DNAH9: variants seen among roughly 807,000 people sequenced by gnomAD.
DNAH9 encodes the protein dynein axonemal heavy chain 9, also known as DNAH9 variant protein.
In DNAH9, 345 loss-of-function variants were observed where a neutral mutation model predicts 471.6. That is an observed-to-expected ratio of 0.73 (90% CI 0.67 to 0.80). The LOEUF (loss-of-function observed/expected upper bound fraction) is 0.80. Ranked by LOEUF, DNAH9 falls within the 30% of genes least tolerant of loss-of-function variation. DNAH9 has a pLI of 0.00. For missense variants in DNAH9, 5,407 were observed against 5,609.2 expected (o/e 0.96, Z 1.15); for synonymous variants, 2,093 against 2,123.6 (o/e 0.99, Z 0.40).
intron 6 of DNAH9, among the ~76,000 whole-genome samples, chr17:11,620,588 T>C (rs777664591): frequency 6.6e-6 from 1 of 151,896 alleles, no homozygotes; most frequent in Non-Finnish European, 1.5e-5. Flanking sequence ...ATAGTGGTTA[T>C]AGTAGAAGTT....
chr17:11,708,010 CACACAGAGAG>C (rs1286713377), intron 26 of DNAH9, among the ~76,000 whole-genome samples: 26 of 48,268 alleles, frequency 5.4e-4, no homozygotes, highest in African/African-American at 1.4e-3. Flanking sequence ...CACACACACA[CACACAGAGAG>C]AGAGAGAGAG....
Position 11,744,996 on chromosome 17 carries a change from C to T in DNAH9, c.6311C>T (p.Pro2104Leu), listed in dbSNP as rs2075498399. 6.2e-7 allele frequency: 1 copy of T among 1,614,020 alleles called. No individual in the cohort carries two copies. The highest frequency in any genetic ancestry group is 1.3e-5 in the African/African-American group (1 of 74,916). The change falls in exon 31 of 69, where the codon CCC becomes CTC. Residue 2104 changes from proline to leucine, a missense_variant. This residue lies in a region of DNAH9 where 4,636 missense variants were observed against 4,900.3 expected (regional missense o/e 0.95). Transcript: ENST00000262442. ...GACCTCTTTCCCGCCCTGGATGTCC[C>T]CCGGAGGAGAGACCCCAACTTCGAA... ...IGDLFPALDV[P>L]RRRDPNFEAL...
chr17:11,955,431 T>A (rs994215357), intron 67 of DNAH9, among the ~76,000 whole-genome samples: 1 of 152,174 alleles, frequency 6.6e-6, no homozygotes, highest in Non-Finnish European at 1.5e-5. Context: ...GGTAACTACA[T>A]TAAATATAAA....
chr17:11,694,714 C>T (rs12951499), intron 22 of DNAH9, among the ~76,000 whole-genome samples: 1 of 5,078 alleles, frequency 2.0e-4, no homozygotes, highest in African/African-American at 2.5e-4. Context: ...CTCTCTCTCT[C>T]TCTCTCTCTC....
At chr17:11,670,980 G>A (rs1391538225) in intron 17 of DNAH9, among the ~76,000 whole-genome samples, 2 of 152,200 alleles carry the variant, frequency 1.3e-5, no homozygotes, top group African/African-American at 4.8e-5. Flanking sequence ...TGGGATTACA[G>A]GTGTGAGCCA....
chr17:11,698,248 ATAT>A (rs1160402923), intron 22 of DNAH9, among the ~76,000 whole-genome samples: 1 of 44,214 alleles, frequency 2.3e-5, no homozygotes, highest in African/African-American at 6.4e-5. Flanking sequence ...ATTATATAAT[ATAT>A]TAATATATAA....
rs113259200 is a variant in DNAH9 at position 11,708,853 on chromosome 17, T to C, written c.5552+3668T>C. 3.9e-5 allele frequency among the ~76,000 whole-genome samples: 6 copies of C among 152,280 alleles called. 1 individual carries two copies. The highest frequency in any genetic ancestry group is 1.2e-4 in the African/African-American group (5 of 41,558). On this transcript the variant is annotated intron_variant, in intron 26 of 68. Transcript: ENST00000262442. ...CTAGACTGTATGTTCCGAGATAACATTGACCTTCATTTCTTCTCTACTCCC... is the reference window on the plus strand; with the variant it reads ...CTAGACTGTATGTTCCGAGATAACACTGACCTTCATTTCTTCTCTACTCCC...
At chr17:11,724,938 C>A (rs565214912) in intron 27 of DNAH9, among the ~76,000 whole-genome samples, 2 of 152,272 alleles carry the variant, frequency 1.3e-5, no homozygotes, top group Admixed American at 1.3e-4. Context: ...TTGGTTCCAA[C>A]TGGGGGTGAT....
At chr17:11,831,968 C>A (rs898263623) in intron 48 of DNAH9, among the ~76,000 whole-genome samples, 2 of 152,184 alleles carry the variant, frequency 1.3e-5, no homozygotes, top group African/African-American at 4.8e-5. Flanking sequence ...AGGGGACCAG[C>A]AGGGCTGAGG....
intron 61 of DNAH9, among the ~76,000 whole-genome samples, chr17:11,914,713 TTC>T (rs1437101265): frequency 1.3e-5 from 2 of 152,182 alleles, no homozygotes; most frequent in African/African-American, 4.8e-5. Context: ...TGAAATTATA[TTC>T]TTTCTTTGTT....
rs2072305534 is a variant in DNAH9, at chr17:11,598,507, C to T, written c.9C>T (p.Leu3=). 1 of 1,353,838 alleles carries T rather than the reference C, an allele frequency of 7.4e-7. No individual in the cohort carries two copies. Among genetic ancestry groups the T allele is most frequent in the Non-Finnish European group, 9.5e-7 (1 of 1,057,354 alleles). 83.9% of individuals were successfully genotyped at this position (1,353,838 alleles called of 1,614,324 possible). A position where few individuals can be genotyped will look rare whatever the true frequency, so the allele number is the denominator to read the frequency against. MR[L]AEERAALAAE... ...GCTGGAGGCCGCGCGCGATGCGGCT[C>T]GCGGAGGAGCGGGCCGCGCTCGCGG... The change falls in exon 1 of 69, where the codon CTC becomes CTT. Residue 3 remains leucine, a synonymous_variant. Coordinates refer to ENST00000262442, the MANE Select transcript of DNAH9 (RefSeq NM_001372.4).
At chr17:11,810,517 T>A in intron 45 of DNAH9, 148 bp downstream of exon 45, 1 of 1,000,712 alleles carries the variant, frequency 1.0e-6, no homozygotes, top group Non-Finnish European at 1.4e-6. Context: ...TTCATTGAGG[T>A]CCTTCTCAGC....
intron 56 of DNAH9, chr17:11,884,578 G>A (rs1246984304): frequency 2.2e-6 from 1 of 456,232 alleles, no homozygotes; most frequent in South Asian, 1.5e-5. Flanking sequence ...GTTCTAGGTA[G>A]AGACAAGGTA....
chr17:11,751,993 A>G (rs568369004), intron 32 of DNAH9, among the ~76,000 whole-genome samples: 2 of 152,328 alleles, frequency 1.3e-5, no homozygotes, highest in African/African-American at 4.8e-5. Flanking sequence ...AATTCTTTTC[A>G]CAGTAGCAAT....
intron 15 of DNAH9, 79 bp downstream of exon 15, chr17:11,665,047 G>A: frequency 7.7e-7 from 1 of 1,295,708 alleles, no homozygotes; most frequent in Non-Finnish European, 1.1e-6. Context: ...TTGAAGAGCA[G>A]CTGAGTGCTC....
intron 67 of DNAH9, among the ~76,000 whole-genome samples, chr17:11,948,796 C>T (rs1975245840): frequency 1.3e-5 from 2 of 152,166 alleles, no homozygotes; most frequent in Admixed American, 1.3e-4. Flanking sequence ...CAAATGAAAG[C>T]TCCTCGCCAA....
chr17:11,883,045 A>G, intron 55 of DNAH9: 2 of 986,796 alleles, frequency 2.0e-6, no homozygotes, highest in Non-Finnish European at 2.4e-6. Flanking sequence ...TGGAGCATAA[A>G]GAGAGGAAGA....
At position 11,834,227 on chromosome 17, in the gene DNAH9, G is replaced by C. The variant is rs867525221; in HGVS notation, c.9247-411G>C. Reference sequence around the variant, plus strand: ...GCCTGTAGTTCCAGCTACCTGAGAGGCTGAGACAGGAGAATCTCTTGAACC... The same window carrying C: ...GCCTGTAGTTCCAGCTACCTGAGAGCCTGAGACAGGAGAATCTCTTGAACC... On this transcript the variant is annotated intron_variant, in intron 48 of 68. Coordinates refer to ENST00000262442, the MANE Select transcript of DNAH9 (RefSeq NM_001372.4). Among the ~76,000 whole-genome samples, 3 of 150,086 alleles carry C rather than the reference G, an allele frequency of 2.0e-5. No homozygotes were observed. The East Asian group carries it at 6.0e-4, about 30-fold the overall frequency.
At chr17:11,804,249 T>C (rs1163236515) in intron 43 of DNAH9, among the ~76,000 whole-genome samples, 3 of 152,166 alleles carry the variant, frequency 2.0e-5, no homozygotes, top group Non-Finnish European at 4.4e-5. Context: ...TGAATGTAGG[T>C]CAATAAATAA....
Sources: allele counts gnomAD v4.1 joint callset (sites outside exome capture counted in the v4.1 genomes callset), GRCh38; gene constraint gnomAD v4.1.1; regional missense constraint gnomAD v4.1.1; transcripts MANE v1.5; gene names NCBI Gene and HGNC (gene_info 2026-07-23, HGNC 2026-07-21).